Variants in ROBO2 observed in about 807,000 individuals in gnomAD.
The protein encoded by ROBO2 is roundabout homolog 2.
In ROBO2, 53 loss-of-function variants were observed where a neutral mutation model predicts 160.8. The ratio of observed to expected loss-of-function variants is 0.33; its 90% CI spans 0.26 to 0.41. The LOEUF (loss-of-function observed/expected upper bound fraction) is 0.41. Among genes scored for constraint, ROBO2 ranks in the 10% least tolerant of loss-of-function variants. ROBO2 has a pLI of 1.00. For missense variants in ROBO2, 1,577 were observed against 1,722.4 expected (o/e 0.92, Z 1.49); for synonymous variants, 664 against 611.7 (o/e 1.09, Z -1.26).
intron 5 of ROBO2, among the ~76,000 whole-genome samples, chr3:77,513,242 C>A (rs1370856114): frequency 6.6e-6 from 1 of 151,488 alleles, no homozygotes; most frequent in Non-Finnish European, 1.5e-5. Flanking sequence ...CTTGGGAGTC[C>A]CTAAATTGTC....
intron 2 of ROBO2, among the ~76,000 whole-genome samples, chr3:76,962,224 A>C (rs1369973403): frequency 1.3e-5 from 2 of 152,058 alleles, no homozygotes; most frequent in Non-Finnish European, 2.9e-5. Flanking sequence ...AATCCAAGCT[A>C]CTTGGGAGGC....
At chr3:76,922,250 G>T (rs1347679942) in intron 2 of ROBO2, among the ~76,000 whole-genome samples, 6 of 152,184 alleles carry the variant, frequency 3.9e-5, no homozygotes, top group African/African-American at 1.4e-4. Context: ...GGCAGAGCTT[G>T]CAGTGAGCCG....
intron 2 of ROBO2, among the ~76,000 whole-genome samples, chr3:77,263,100 A>C (rs1179269070): frequency 2.6e-5 from 4 of 152,210 alleles, no homozygotes; most frequent in African/African-American, 9.6e-5. Context: ...AACAAGTTGC[A>C]AAGTAATTTG....
At chr3:76,922,323 G>C (rs1244960519) in intron 2 of ROBO2, among the ~76,000 whole-genome samples, 1 of 152,138 alleles carries the variant, frequency 6.6e-6, no homozygotes, top group African/African-American at 2.4e-5. Flanking sequence ...ATTACTGAAT[G>C]CCTAATGTAC....
chr3:76,813,699 C>T (rs1234986365), intron 2 of ROBO2, among the ~76,000 whole-genome samples: 3 of 152,064 alleles, frequency 2.0e-5, no homozygotes, highest in Non-Finnish European at 4.4e-5. Context: ...TATCTGGTAA[C>T]TCACAGGAGA....
rs183802570 is a variant in ROBO2, at chr3:76,751,969, A to T, written c.110-346045A>T. On this transcript the variant is annotated intron_variant, in intron 2 of 26. Coordinates refer to the ROBO2 transcript ENST00000487694. ...ATATACCCAGATGTTTATAAATCAT[A>T]CTCCCAAAAAGACACATGCACACGT... is the stretch of plus-strand genomic sequence containing the variant. Among the ~76,000 whole-genome samples the T allele has an allele frequency of 5.9e-3, 897 of 152,008 alleles. 5 individuals carry two copies. Among genetic ancestry groups the T allele is most frequent in the Middle Eastern group, 0.024 (7 of 294 alleles).
intron 1 of ROBO2, among the ~76,000 whole-genome samples, chr3:77,079,491 T>C (rs529500700): frequency 2.0e-5 from 3 of 152,282 alleles, no homozygotes; most frequent in Admixed American, 6.5e-5. Flanking sequence ...TTCTATTTGA[T>C]GGTGACTTCG....
rs2066348498 is a variant in ROBO2, at chr3:76,014,610, G to GT, written c.109+77009dup. On this transcript the variant is annotated intron_variant, in intron 2 of 26. Coordinates refer to the ROBO2 transcript ENST00000487694. ...GCGGCTGGCATGATAGCTTATGCAT[G>GT]TAATCCCAGAAGTAATATGTATAAA... Among the ~76,000 whole-genome samples, 5 of 151,804 alleles carry GT rather than the reference G, an allele frequency of 3.3e-5. No homozygotes were observed. In the South Asian group the frequency reaches 1.0e-3, roughly 32 times the overall value.
At chr3:76,369,917 C>G (rs1458160489) in intron 2 of ROBO2, among the ~76,000 whole-genome samples, 1 of 151,978 alleles carries the variant, frequency 6.6e-6, no homozygotes, top group Non-Finnish European at 1.5e-5. Context: ...GAACTCTGAA[C>G]ACGTGACAGT....
chr3:76,451,046 T>G (rs1433205101), intron 2 of ROBO2, among the ~76,000 whole-genome samples: 1 of 152,058 alleles, frequency 6.6e-6, no homozygotes, highest in Non-Finnish European at 1.5e-5. Flanking sequence ...ACATTGCCAT[T>G]CGGGGTTCCA....
intron 2 of ROBO2, among the ~76,000 whole-genome samples, chr3:76,668,987 G>C (rs543257059): frequency 6.6e-6 from 1 of 152,246 alleles, no homozygotes; most frequent in South Asian, 2.1e-4. Flanking sequence ...AGGCAAACTT[G>C]ACATGAGACG....
intron 2 of ROBO2, among the ~76,000 whole-genome samples, chr3:77,250,243 C>T (rs1465243018): frequency 6.6e-6 from 1 of 152,146 alleles, no homozygotes; most frequent in Non-Finnish European, 1.5e-5. Flanking sequence ...TGAATTTTAG[C>T]TCTCCTCATC....
chr3:75,989,846 G>T (rs1175950632), intron 2 of ROBO2, among the ~76,000 whole-genome samples: 1 of 152,252 alleles, frequency 6.6e-6, no homozygotes, highest in Non-Finnish European at 1.5e-5. Flanking sequence ...CACATTCTGT[G>T]ATTGGTGGCG....
rs1256968607 is a variant in ROBO2, at chr3:77,200,315, A to AT, written c.388+101976dup. Among the ~76,000 whole-genome samples, 5 of 87,598 alleles carry AT rather than the reference A, an allele frequency of 5.7e-5. 1 individual carries two copies. In the East Asian group the frequency reaches 2.8e-3, roughly 48 times the overall value. The allele number at this position is 87,598 out of a possible 152,430, so 57.5% of individuals were successfully genotyped here. A position where few individuals can be genotyped will look rare whatever the true frequency, so the allele number is the denominator to read the frequency against. On this transcript the variant is annotated intron_variant, in intron 2 of 25. Transcript: ENST00000461745. ...TATATATATATATATATATATATATATATATATTTTAGTTTCTATAGGTAA... is the reference window on the plus strand; with the variant it reads ...TATATATATATATATATATATATATATTATATATTTTAGTTTCTATAGGTAA...
chr3:75,944,470 G>C (rs1277557130), intron 2 of ROBO2, among the ~76,000 whole-genome samples: 1 of 152,004 alleles, frequency 6.6e-6, no homozygotes, highest in Admixed American at 6.6e-5. Context: ...AAAAACTCAT[G>C]AATTACACAT....
At chr3:76,738,072 T>C (rs886384943) in intron 2 of ROBO2, among the ~76,000 whole-genome samples, 3 of 151,920 alleles carry the variant, frequency 2.0e-5, no homozygotes, top group Admixed American at 2.0e-4. Context: ...AGGTCGAGGC[T>C]GCAGTGAGCC....
At chr3:76,074,843 T>A (rs866613241) in intron 2 of ROBO2, among the ~76,000 whole-genome samples, 2 of 152,034 alleles carry the variant, frequency 1.3e-5, no homozygotes, top group African/African-American at 2.4e-5. Flanking sequence ...CATAAATTGA[T>A]CAAAAAATGG....
chr3:77,314,839 G>A (rs186854946), intron 2 of ROBO2, among the ~76,000 whole-genome samples: 17 of 152,300 alleles, frequency 1.1e-4, no homozygotes, highest in Non-Finnish European at 2.2e-4. Context: ...TATAACTGCT[G>A]TAGGGAATGT....
chr3:76,503,012 G>GCGCACGCA (rs1395422666), intron 2 of ROBO2, among the ~76,000 whole-genome samples: 2 of 142,610 alleles, frequency 1.4e-5, no homozygotes, highest in Admixed American at 6.7e-5. Context: ...GTGTGTGTGT[G>GCGCACGCA]TGTGTGTGCG....
Sources: allele counts gnomAD v4.1 joint callset (sites outside exome capture counted in the v4.1 genomes callset), GRCh38; gene constraint gnomAD v4.1.1; transcripts MANE v1.5; gene names NCBI Gene and HGNC (gene_info 2026-07-23, HGNC 2026-07-21).